Variants in KAZN observed in about 807,000 individuals in gnomAD.
KAZN encodes kazrin, periplakin interacting protein.
Under a neutral mutation model 87.4 loss-of-function variants are expected in KAZN, and 40 were observed. That is an observed-to-expected ratio of 0.46 (90% CI 0.36 to 0.60). The LOEUF is 0.60. KAZN is among the 20% of genes least tolerant of loss of function. The pLI, the probability that KAZN is intolerant of heterozygous loss-of-function variation, is 0.00. For synonymous variants in KAZN, 466 were observed against 458.3 expected, an observed-to-expected ratio of 1.02 and a Z score of -0.22; for missense variants, 898 against 1,073.9, an observed-to-expected ratio of 0.84 and a Z score of 2.29.
chr1:14,032,160 C>T (rs1479577137), intron 1 of KAZN, among the ~76,000 whole-genome samples: 1 of 152,156 alleles, frequency 6.6e-6, no homozygotes, highest in Non-Finnish European at 1.5e-5. Context: ...CCCTTCTGAT[C>T]TGTTTAATGG....
intron 1 of KAZN, among the ~76,000 whole-genome samples, chr1:14,115,466 G>A (rs1368122813): frequency 1.3e-5 from 2 of 152,152 alleles, no homozygotes; most frequent in Non-Finnish European, 2.9e-5. Flanking sequence ...TCCAAAAAGG[G>A]AACTTTCCCT....
At chr1:13,963,642 T>C (rs1641834460) in intron 1 of KAZN, among the ~76,000 whole-genome samples, 1 of 152,192 alleles carries the variant, frequency 6.6e-6, no homozygotes, top group Admixed American at 6.5e-5. Flanking sequence ...TCCCTTAAAA[T>C]TCTATTCATG....
intron 2 of KAZN, among the ~76,000 whole-genome samples, chr1:14,461,383 A>T (rs1172122774): frequency 6.6e-6 from 1 of 152,058 alleles, no homozygotes; most frequent in African/African-American, 2.4e-5. Flanking sequence ...ACGAGATCTG[A>T]TGCTTTTATA....
intron 1 of KAZN, among the ~76,000 whole-genome samples, chr1:14,023,966 T>C (rs1387171140): frequency 1.3e-5 from 2 of 152,210 alleles, no homozygotes. Context: ...TGGCATCTAA[T>C]GGACAGTACA....
chr1:14,762,452 G>C (rs548458361), intron 1 of KAZN, among the ~76,000 whole-genome samples: 2 of 152,320 alleles, frequency 1.3e-5, no homozygotes, highest in East Asian at 3.9e-4. Context: ...GAGGCCGGGT[G>C]CGGTGGCTCA....
At chr1:14,839,558 A>G (rs1647687819) in intron 1 of KAZN, among the ~76,000 whole-genome samples, 1 of 152,148 alleles carries the variant, frequency 6.6e-6, no homozygotes, top group Non-Finnish European at 1.5e-5. Flanking sequence ...ATCCTTCAAG[A>G]TCCAACCAAG....
chr1:14,084,189 G>T (rs916589889), intron 1 of KAZN, among the ~76,000 whole-genome samples: 1 of 152,168 alleles, frequency 6.6e-6, no homozygotes, highest in Non-Finnish European at 1.5e-5. Flanking sequence ...CGATCAGAAG[G>T]TAAAATCAAG....
At chr1:14,036,786 C>G (rs574265443) in intron 1 of KAZN, among the ~76,000 whole-genome samples, 1 of 151,640 alleles carries the variant, frequency 6.6e-6, no homozygotes, top group Admixed American at 6.6e-5. Context: ...TTATTATTAT[C>G]ATTATTATTT....
chr1:14,239,246 A>G (rs891242048), intron 2 of KAZN, among the ~76,000 whole-genome samples: 5 of 152,044 alleles, frequency 3.3e-5, no homozygotes, highest in Admixed American at 1.3e-4. Context: ...TCTTCTGCAA[A>G]ATTGCAATTT....
intron 2 of KAZN, among the ~76,000 whole-genome samples, chr1:14,971,681 C>CTTT (rs1009399616): frequency 1.3e-4 from 14 of 104,824 alleles, no homozygotes; most frequent in South Asian, 6.9e-4. Flanking sequence ...TTTTCTTTTT[C>CTTT]TTTTTTTTTT....
chr1:14,660,958 T>C (rs1639132678), intron 1 of KAZN, among the ~76,000 whole-genome samples: 1 of 152,176 alleles, frequency 6.6e-6, no homozygotes. Context: ...TCCACAGCAC[T>C]GTACTTTCAC....
chr1:14,405,636 G>GTGTGTGTC (rs2101156541), intron 2 of KAZN, among the ~76,000 whole-genome samples: 1 of 151,564 alleles, frequency 6.6e-6, no homozygotes, highest in East Asian at 1.9e-4. Flanking sequence ...GTGTGTGTGT[G>GTGTGTGTC]TGTGTGTGTG....
At chr1:14,388,693 T>C (rs1662163019) in intron 2 of KAZN, among the ~76,000 whole-genome samples, 1 of 151,960 alleles carries the variant, frequency 6.6e-6, no homozygotes. Flanking sequence ...TATACAAAAA[T>C]CAAATCAAGA....
intron 1 of KAZN, among the ~76,000 whole-genome samples, chr1:14,134,219 G>C (rs1645056299): frequency 6.6e-6 from 1 of 152,146 alleles, no homozygotes; most frequent in Non-Finnish European, 1.5e-5. Flanking sequence ...TGATGTGATG[G>C]ACATATGGGT....
At chr1:15,048,848 C>T (rs951945744) in intron 4 of KAZN, among the ~76,000 whole-genome samples, 2 of 148,146 alleles carry the variant, frequency 1.4e-5, no homozygotes, top group East Asian at 4.1e-4. Context: ...GGTCCTGGGT[C>T]GTTGGTCCTT....
intron 1 of KAZN, among the ~76,000 whole-genome samples, chr1:14,774,907 T>G (rs1355714859): frequency 2.0e-5 from 3 of 152,216 alleles, no homozygotes; most frequent in Non-Finnish European, 4.4e-5. Context: ...TCCCTTCTCC[T>G]TCGTTCACCT....
chr1:14,093,064 C>T (rs566588540), intron 1 of KAZN, among the ~76,000 whole-genome samples: 1 of 152,284 alleles, frequency 6.6e-6, no homozygotes, highest in South Asian at 2.1e-4. Flanking sequence ...GCATCTGCCC[C>T]ATGCTGTGCC....
intron 1 of KAZN, among the ~76,000 whole-genome samples, chr1:13,995,219 C>CAAAAAAAAAAAAAAAAAAAA (rs113600200): frequency 2.8e-5 from 3 of 107,366 alleles, no homozygotes; most frequent in Non-Finnish European, 4.0e-5. Context: ...TGCAATAAGG[C>CAAAAAAAAAAAAAAAAAAAA]AAAAAAAAAA....
intron 1 of KAZN, among the ~76,000 whole-genome samples, chr1:14,697,143 A>C (rs1403769490): frequency 1.4e-5 from 2 of 138,486 alleles, no homozygotes; most frequent in East Asian, 4.2e-4. Context: ...AAACCAACAA[A>C]AAAAAAAAAA....
Sources: allele counts gnomAD v4.1 joint callset (sites outside exome capture counted in the v4.1 genomes callset), GRCh38; gene constraint gnomAD v4.1.1; transcripts MANE v1.5; gene names NCBI Gene and HGNC (gene_info 2026-07-23, HGNC 2026-07-21).